The following PRH1 variants were observed in gnomAD, a reference collection of about 807,000 sequenced individuals.
The protein encoded by PRH1 is salivary acidic proline-rich phosphoprotein 1/2.
Under a neutral mutation model 7.9 loss-of-function variants are expected in PRH1, and 7 were observed. The observed-to-expected ratio is 0.89, with a 90% CI of 0.50 to 1.67. The LOEUF is 1.67. Ranked by LOEUF, PRH1 falls within the 40% of genes most tolerant of loss-of-function variation. The probability of loss-of-function intolerance (pLI) is 0.00; values close to 1 mark genes in which losing one functional copy is unlikely to be tolerated. For missense variants in PRH1, 109 were observed against 223.6 expected (o/e 0.49, Z 3.27); for synonymous variants, 45 against 80.8 (o/e 0.56, Z 2.38).
intron 1 of PRH1, among the ~76,000 whole-genome samples, chr12:11,108,596 G>C (rs1945499430): frequency 6.6e-6 from 1 of 152,206 alleles, no homozygotes; most frequent in Non-Finnish European, 1.5e-5. Flanking sequence ...GCCAAGGGAA[G>C]CTGTAAGGGA....
rs1377376276 is a variant in PRH1, at chr12:11,093,971, G to T, written n.124-46783C>A. Among the ~76,000 whole-genome samples the T allele has an allele frequency of 1.8e-5, 2 of 114,098 alleles. 1 individual carries two copies. The highest frequency in any genetic ancestry group is 4.1e-5 in the Non-Finnish European group (2 of 48,610). 74.9% of individuals were successfully genotyped at this position (114,098 alleles called of 152,430 possible). ...CAGACTAAATTGGCAAAACTCTAAC[G>T]TCCTCCAAGATGCAGAATTTGGCCC... is the stretch of plus-strand genomic sequence containing the variant. On this transcript the variant is annotated intron_variant and non_coding_transcript_variant, in intron 1 of 4. Transcript: ENST00000541977.
intron 2 of PRH1, among the ~76,000 whole-genome samples, chr12:10,890,403 TTG>T (rs141434327): frequency 8.0e-5 from 12 of 150,296 alleles, no homozygotes; most frequent in East Asian, 5.9e-4. Context: ...GTGTGTGTGT[TTG>T]TGTGTGTGTG....
intron 1 of PRH1, among the ~76,000 whole-genome samples, chr12:11,036,101 G>C (rs1942424234): frequency 6.6e-6 from 1 of 152,126 alleles, no homozygotes; most frequent in South Asian, 2.1e-4. Context: ...TACTGTGTTC[G>C]CCAGGATGGT....
intron 1 of PRH1, among the ~76,000 whole-genome samples, chr12:11,106,970 T>C (rs901024141): frequency 6.6e-6 from 1 of 152,186 alleles, no homozygotes; most frequent in Non-Finnish European, 1.5e-5. Flanking sequence ...TGATCGTGTG[T>C]TACTTGATAC....
At chr12:11,147,546 T>C (rs11516172) in intron 1 of PRH1, among the ~76,000 whole-genome samples, 32,196 of 152,154 alleles carry the variant, frequency 0.21, 4,006 homozygotes, top group Non-Finnish European at 0.27. Flanking sequence ...ACACTGTTTT[T>C]TGGTAAATCG....
exon 2 of PRH1, chr12:11,121,154 G>A (rs1285027197): frequency 6.5e-6 from 1 of 152,720 alleles, no homozygotes; most frequent in African/African-American, 2.4e-5. Context: ...ATGTGCCCTT[G>A]GCACCTAGAG....
chr12:11,155,421 A>G (rs1173225834), intron 1 of PRH1, among the ~76,000 whole-genome samples: 1 of 152,188 alleles, frequency 6.6e-6, no homozygotes, highest in Non-Finnish European at 1.5e-5. Context: ...AACATTAGAA[A>G]CCAATTAGGT....
At chr12:11,143,561 A>G (rs1946769672) in intron 1 of PRH1, among the ~76,000 whole-genome samples, 1 of 152,174 alleles carries the variant, frequency 6.6e-6, no homozygotes, top group South Asian at 2.1e-4. Context: ...ATCAAAAGGC[A>G]TAGTCTAGCT....
At chr12:11,113,314 T>C (rs1945642534) in intron 1 of PRH1, among the ~76,000 whole-genome samples, 1 of 152,106 alleles carries the variant, frequency 6.6e-6, no homozygotes. Context: ...CTTCAAAGTA[T>C]ACTACAAGTC....
chr12:11,115,253 A>C (rs544322214), intron 1 of PRH1, among the ~76,000 whole-genome samples: 2 of 152,330 alleles, frequency 1.3e-5, no homozygotes, highest in Non-Finnish European at 2.9e-5. Flanking sequence ...TGGAGTACCT[A>C]TACAAGTATT....
At chr12:10,976,588 A>G (rs1003229453) in intron 1 of PRH1, among the ~76,000 whole-genome samples, 4 of 152,128 alleles carry the variant, frequency 2.6e-5, no homozygotes, top group Admixed American at 1.3e-4. Flanking sequence ...GAAGTGAAGG[A>G]AATTGCAATG....
chr12:11,089,529 T>C (rs1287893209), intron 1 of PRH1, among the ~76,000 whole-genome samples: 1 of 142,022 alleles, frequency 7.0e-6, no homozygotes, highest in Non-Finnish European at 1.6e-5. Flanking sequence ...CACCACACAT[T>C]GTTTCACATT....
intron 1 of PRH1, chr12:11,134,142 A>G: frequency 6.2e-7 from 1 of 1,614,110 alleles, no homozygotes; most frequent in Non-Finnish European, 8.5e-7. Context: ...CTCTTGACCC[A>G]CTCAATGGAA....
chr12:11,059,781 A>T (rs1943509501), intron 1 of PRH1, among the ~76,000 whole-genome samples: 1 of 152,006 alleles, frequency 6.6e-6, no homozygotes, highest in South Asian at 2.1e-4. Flanking sequence ...AGAACAGAAC[A>T]GGGGAATTCA....
At chr12:11,060,285 A>C (rs557038720) in intron 1 of PRH1, among the ~76,000 whole-genome samples, 1 of 152,276 alleles carries the variant, frequency 6.6e-6, no homozygotes, top group South Asian at 2.1e-4. Flanking sequence ...ACATTCTATA[A>C]TTAAAACATA....
chr12:11,045,232 T>C (rs1398933253), intron 1 of PRH1, among the ~76,000 whole-genome samples: 14 of 150,346 alleles, frequency 9.3e-5, no homozygotes, highest in Admixed American at 7.3e-4. Context: ...ACAGAAGGCA[T>C]GGACATAGAG....
intron 1 of PRH1, among the ~76,000 whole-genome samples, chr12:11,083,863 T>G (rs74606269): frequency 0.039 from 3,321 of 85,402 alleles, 4 homozygotes; most frequent in Non-Finnish European, 0.051. Flanking sequence ...CTCTCATATC[T>G]ATGAAGTTCA....
Position 11,082,966 on chromosome 12 carries a change from A to G in PRH1, n.124-35778T>C, listed in dbSNP as rs11533165. On this transcript the variant is annotated intron_variant and non_coding_transcript_variant, in intron 1 of 4. Transcript: ENST00000541977. ...TTATTATAGCAGTCAAAGTAGTTAC[A>G]CTACATATGTTTTAAGGCTTAACAA... Among the ~76,000 whole-genome samples the G allele has an allele frequency of 1.8e-5, 2 of 111,422 alleles. 1 individual carries two copies. The highest frequency in any genetic ancestry group is 5.8e-5 in the African/African-American group (2 of 34,624). 73.1% of individuals were successfully genotyped at this position (111,422 alleles called of 152,430 possible).
chr12:11,033,260 G>A (rs1942302356), intron 1 of PRH1, among the ~76,000 whole-genome samples: 2 of 152,042 alleles, frequency 1.3e-5, no homozygotes, highest in African/African-American at 2.4e-5. Context: ...CCAGCTACTC[G>A]GGAGGCTGAG....
Sources: gnomAD v4.1 joint callset for allele counts (sites outside exome capture counted in the v4.1 genomes callset) on GRCh38, gnomAD v4.1.1 for gene constraint, MANE v1.5 for transcripts, NCBI Gene and HGNC (gene_info 2026-07-23, HGNC 2026-07-21) for gene names.